The following PPP1R13B variants were observed in gnomAD, a reference collection of about 807,000 sequenced individuals.
PPP1R13B encodes apoptosis-stimulating of p53 protein 1.
Under a neutral mutation model 119.8 loss-of-function variants are expected in PPP1R13B, and 44 were observed. The ratio of observed to expected loss-of-function variants is 0.37; its 90% CI spans 0.29 to 0.47. The LOEUF (loss-of-function observed/expected upper bound fraction) is 0.47. PPP1R13B is among the 20% of genes least tolerant of loss of function. The probability of loss-of-function intolerance (pLI) is 0.99; values close to 1 mark genes in which losing one functional copy is unlikely to be tolerated. For synonymous variants in PPP1R13B, 542 were observed against 561.5 expected (o/e 0.97, Z 0.49); for missense variants, 1,227 against 1,413.5 (o/e 0.87, Z 2.12).
chr14:103,767,281 T>A (rs12879612), intron 4 of PPP1R13B, among the ~76,000 whole-genome samples: 61,094 of 151,594 alleles, frequency 0.4, 12,401 homozygotes, highest in African/African-American at 0.43. Context: ...ACCACTGTAC[T>A]CCAGCCTAGG....
chr14:103,757,833 G>A, intron 4 of PPP1R13B, 82 bp from the exon 5 acceptor site: 1 of 1,163,582 alleles, frequency 8.6e-7, no homozygotes, highest in Non-Finnish European at 1.3e-6. Flanking sequence ...CACATATCAG[G>A]ACTTTAGATA....
chr14:103,789,014 G>C (rs1048027175), intron 2 of PPP1R13B, among the ~76,000 whole-genome samples: 1 of 152,076 alleles, frequency 6.6e-6, no homozygotes, highest in African/African-American at 2.4e-5. Flanking sequence ...TCTCCCTCCA[G>C]AAACATCTTC....
Position 103,738,984 on chromosome 14 carries a change from T to C in PPP1R13B, c.2632A>G (p.Thr878Ala). The C allele has an allele frequency of 6.2e-7, 1 of 1,614,082 alleles. No individual in the cohort carries two copies. Among genetic ancestry groups the C allele is most frequent in the Middle Eastern group, 1.7e-4 (1 of 6,060 alleles). ...AACCGGACTCTCAGCCCGTGCCCCG[T>C]CCGCTCCGAGTTGGGCTTCTTCAAG... ...TNLKKPNSER[T>A]GHGLRVRFNP... is the part of the protein sequence containing the mutation. The change falls in exon 13 of 17, where the codon ACG becomes GCG. Residue 878 changes from threonine (T) to alanine (A), a missense_variant. Transcript: ENST00000202556. The surrounding 1 kb of genome is among the most constrained non-coding windows in gnomAD (Gnocchi z 5.6).
intron 4 of PPP1R13B, among the ~76,000 whole-genome samples, chr14:103,775,839 C>A (rs1044577157): frequency 3.3e-5 from 5 of 152,098 alleles, no homozygotes; most frequent in African/African-American, 1.2e-4. Context: ...CAAATCTCTA[C>A]TCCAATGACA....
chr14:103,753,741 G>A (rs1035652935), intron 6 of PPP1R13B, among the ~76,000 whole-genome samples: 7 of 152,230 alleles, frequency 4.6e-5, no homozygotes, highest in South Asian at 2.1e-4. Flanking sequence ...TCTGAGGGCC[G>A]CAAGAGATCT....
In PPP1R13B at chr14:103,734,432, G is replaced by C; in HGVS notation, c.*722C>G. 2.3e-6 allele frequency: 1 copy of C among 437,950 alleles called. No individual in the cohort carries two copies. The highest frequency in any genetic ancestry group is 4.6e-6 in the Non-Finnish European group (1 of 216,180). The allele number at this position is 437,950 out of a possible 1,614,324, so 27.1% of individuals were successfully genotyped here. The stretch of plus-strand genomic sequence containing the variant: ...GAGAACCACACTGAGCAGCATGACA[G>C]GCTGTGAGATCGGAGGAGAAGAGTA... On this transcript the variant is annotated 3_prime_UTR_variant, in exon 17 of 17. Coordinates refer to ENST00000202556, the MANE Select transcript of PPP1R13B (RefSeq NM_015316.3).
intron 4 of PPP1R13B, among the ~76,000 whole-genome samples, chr14:103,761,274 TAAAAAAAA>T (rs59281762): frequency 0.36 from 38,100 of 104,896 alleles, 5,753 homozygotes; most frequent in Non-Finnish European, 0.41. Context: ...ACCCTATATT[TAAAAAAAA>T]AAAAAAAAAA....
intron 15 of PPP1R13B, chr14:103,736,874 G>A (rs1413258590): frequency 6.5e-6 from 1 of 153,556 alleles, no homozygotes; most frequent in Non-Finnish European, 1.4e-5. Flanking sequence ...CTAGAGTCCA[G>A]TGTAGGGCAC....
At chr14:103,842,301 CTT>C (rs34596421) in intron 1 of PPP1R13B, among the ~76,000 whole-genome samples, 14 of 117,930 alleles carry the variant, frequency 1.2e-4, no homozygotes, top group Non-Finnish European at 1.4e-4. Flanking sequence ...AGAGTGCCTT[CTT>C]TTTTTTTTTT....
At chr14:103,777,284 C>T (rs566728033) in intron 4 of PPP1R13B, among the ~76,000 whole-genome samples, 1 of 152,172 alleles carries the variant, frequency 6.6e-6, no homozygotes, top group Non-Finnish European at 1.5e-5. Context: ...TGAGCCACCA[C>T]GCCCAGCCAA....
intron 2 of PPP1R13B, among the ~76,000 whole-genome samples, chr14:103,788,359 T>C (rs754218335): frequency 1.3e-5 from 2 of 152,188 alleles, no homozygotes; most frequent in Admixed American, 6.5e-5. Flanking sequence ...TTCCAAAATA[T>C]TACAATGCTA....
At position 103,778,507 on chromosome 14, in the gene PPP1R13B, G is replaced by A. The variant is rs961143639; in HGVS notation, c.354+238C>T. The A allele has an allele frequency of 1.3e-4, 55 of 416,996 alleles. 1 individual carries two copies. Among genetic ancestry groups the A allele is most frequent in the Admixed American group, 6.4e-4 (16 of 24,858 alleles). The allele number at this position is 416,996 out of a possible 1,614,324, so 25.8% of individuals were successfully genotyped here. Reference sequence around the variant, plus strand: ...CAACTCCTGACCTCGTGATCTGTGCGCCTCAGTCTCCCAAAGTGCTAGGAT... The same window carrying A: ...CAACTCCTGACCTCGTGATCTGTGCACCTCAGTCTCCCAAAGTGCTAGGAT... On this transcript the variant is annotated intron_variant, in intron 4 of 16. Coordinates refer to ENST00000202556, the MANE Select transcript of PPP1R13B (RefSeq NM_015316.3).
At chr14:103,808,411 A>C (rs374992344) in intron 1 of PPP1R13B, among the ~76,000 whole-genome samples, 1 of 152,214 alleles carries the variant, frequency 6.6e-6, no homozygotes, top group Non-Finnish European at 1.5e-5. Context: ...TGGGCTACAC[A>C]TAAAATACAC....
intron 1 of PPP1R13B, among the ~76,000 whole-genome samples, chr14:103,841,163 T>C (rs2152087440): frequency 6.6e-6 from 1 of 151,988 alleles, no homozygotes; most frequent in Non-Finnish European, 1.5e-5. Flanking sequence ...TACATGCCTG[T>C]AATCCCAGCT....
intron 2 of PPP1R13B, among the ~76,000 whole-genome samples, chr14:103,790,151 CAGG>C (rs1232673573): frequency 6.6e-6 from 1 of 150,402 alleles, no homozygotes; most frequent in African/African-American, 2.5e-5. Flanking sequence ...GAGGCTGAGG[CAGG>C]AGAATTGCTT....
intron 1 of PPP1R13B, among the ~76,000 whole-genome samples, chr14:103,808,821 T>C (rs894445745): frequency 1.3e-5 from 2 of 152,140 alleles, no homozygotes; most frequent in African/African-American, 4.8e-5. Context: ...TAGAAGTACA[T>C]ATTTAACCCT....
At chr14:103,837,937 G>A (rs1199503711) in intron 1 of PPP1R13B, among the ~76,000 whole-genome samples, 4 of 152,068 alleles carry the variant, frequency 2.6e-5, no homozygotes, top group Non-Finnish European at 4.4e-5. Context: ...TGGACAACAT[G>A]GTGAAACCCC....
rs1237344301 is a variant in PPP1R13B, at chr14:103,733,745, A to T, written c.*1409T>A. On this transcript the variant is annotated 3_prime_UTR_variant, in exon 17 of 17. Coordinates refer to ENST00000202556, the MANE Select transcript of PPP1R13B (RefSeq NM_015316.3). ...CAGTCTGGGTCCAGAAAGAAGACTC[A>T]CAGCCGCCGGGGTGAGACGGGTTTA... The T allele has an allele frequency of 1.3e-5, 2 of 152,430 alleles. No homozygotes were observed. The highest frequency in any genetic ancestry group is 2.4e-5 in the African/African-American group (1 of 41,460). The allele number at this position is 152,430 out of a possible 1,614,324, so 9.4% of individuals were successfully genotyped here.
At chr14:103,743,070 T>C (rs1386324849) in intron 9 of PPP1R13B, among the ~76,000 whole-genome samples, 1 of 152,166 alleles carries the variant, frequency 6.6e-6, no homozygotes, top group African/African-American at 2.4e-5. Context: ...TCGCCTCAAG[T>C]GTTACCAGAG....
Sources: allele counts gnomAD v4.1 joint callset (sites outside exome capture counted in the v4.1 genomes callset), GRCh38; gene constraint gnomAD v4.1.1; non-coding constraint Gnocchi (gnomAD v3.1); transcripts MANE v1.5; gene names NCBI Gene and HGNC (gene_info 2026-07-23, HGNC 2026-07-21).